CFAP210: variants seen among roughly 807,000 people sequenced by gnomAD.
CFAP210 encodes cilia- and flagella- associated protein 210.
the CFAP210 span, among the ~76,000 whole-genome samples, chr2:169,672,795 T>C: frequency 3.1e-3 from 477 of 152,254 alleles, 3 homozygotes; most frequent in African/African-American, 0.011. Context: ...GTCTGTCTCC[T>C]CTGGTGACAC....
chr2:169,646,587 C>G, the CFAP210 span, among the ~76,000 whole-genome samples: 2 of 152,188 alleles, frequency 1.3e-5, no homozygotes, highest in African/African-American at 4.8e-5. Context: ...CTGGGTCAGC[C>G]CAATATACTA....
the CFAP210 span, among the ~76,000 whole-genome samples, chr2:169,661,762 C>G: frequency 6.6e-6 from 1 of 152,216 alleles, no homozygotes; most frequent in African/African-American, 2.4e-5. Context: ...AGGATGCACT[C>G]CCTTAGAAAC....
the CFAP210 span, among the ~76,000 whole-genome samples, chr2:169,655,220 A>G: frequency 6.6e-6 from 1 of 151,924 alleles, no homozygotes; most frequent in Non-Finnish European, 1.5e-5. Flanking sequence ...AAAGCCTTGA[A>G]CTCTGGGGCT....
the CFAP210 span, among the ~76,000 whole-genome samples, chr2:169,649,732 G>A: frequency 6.6e-6 from 1 of 152,138 alleles, no homozygotes; most frequent in Non-Finnish European, 1.5e-5. Context: ...AGGAGTTCGA[G>A]ACCAGCCTGA....
the CFAP210 span, among the ~76,000 whole-genome samples, chr2:169,653,608 A>C: frequency 6.6e-6 from 1 of 152,004 alleles, no homozygotes; most frequent in African/African-American, 2.4e-5. Flanking sequence ...AATTGTACTT[A>C]ATCCCATTAC....
At chr2:169,681,466 C>A in the CFAP210 span, 5 of 517,822 alleles carry the variant, frequency 9.7e-6, no homozygotes, top group Non-Finnish European at 1.7e-5. Flanking sequence ...TAAACTTGGG[C>A]AAGTCATTTA....
the CFAP210 span, chr2:169,674,546 G>GGTTT: frequency 2.7e-6 from 4 of 1,486,970 alleles, no homozygotes; most frequent in Non-Finnish European, 3.6e-6. Flanking sequence ...AAACGAGAAA[G>GGTTT]GTACAAAAAG....
the CFAP210 span, among the ~76,000 whole-genome samples, chr2:169,665,105 G>T: frequency 6.6e-6 from 1 of 152,070 alleles, no homozygotes; most frequent in Non-Finnish European, 1.5e-5. Flanking sequence ...TGAGCAGGAG[G>T]GATTTAAATT....
At chr2:169,675,480 C>A in the CFAP210 span, among the ~76,000 whole-genome samples, 1 of 152,116 alleles carries the variant, frequency 6.6e-6, no homozygotes, top group Non-Finnish European at 1.5e-5. Context: ...ATGGCCAGAG[C>A]AGAAACAAGA....
the CFAP210 span, among the ~76,000 whole-genome samples, chr2:169,676,959 G>A: frequency 6.6e-6 from 1 of 152,136 alleles, no homozygotes; most frequent in African/African-American, 2.4e-5. Flanking sequence ...CTCCCCAGGC[G>A]AGATAATAAA....
chr2:169,670,258 T>C, the CFAP210 span, among the ~76,000 whole-genome samples: 1 of 152,136 alleles, frequency 6.6e-6, no homozygotes, highest in African/African-American at 2.4e-5. Context: ...TCAAAATCCC[T>C]CTATTTTGGG....
At chr2:169,664,284 C>T in the CFAP210 span, among the ~76,000 whole-genome samples, 1 of 152,136 alleles carries the variant, frequency 6.6e-6, no homozygotes, top group African/African-American at 2.4e-5. Context: ...TAAATTGCTA[C>T]TTTAAGGGAA....
the CFAP210 span, among the ~76,000 whole-genome samples, chr2:169,672,499 C>G: frequency 1.3e-5 from 2 of 152,236 alleles, no homozygotes; most frequent in African/African-American, 4.8e-5. Context: ...ACCAGGGAAG[C>G]TCACAGTGCA....
chr2:169,686,375 G>A, the CFAP210 span, among the ~76,000 whole-genome samples: 1 of 152,170 alleles, frequency 6.6e-6, no homozygotes, highest in South Asian at 2.1e-4. Context: ...TGTTGAATGT[G>A]TAGATCAATT....
chr2:169,649,371 C>T, the CFAP210 span: 2 of 1,591,552 alleles, frequency 1.3e-6, no homozygotes, highest in South Asian at 1.1e-5. Context: ...GCAAAGGAAA[C>T]ATATAAAACC....
the CFAP210 span, among the ~76,000 whole-genome samples, chr2:169,685,183 C>T: frequency 6.6e-6 from 1 of 152,136 alleles, no homozygotes; most frequent in Non-Finnish European, 1.5e-5. Context: ...GAGAAAGTAC[C>T]AAATTGTTTT....
the CFAP210 span, chr2:169,662,148 C>A: frequency 2.3e-6 from 2 of 861,746 alleles, no homozygotes; most frequent in South Asian, 1.7e-5. Context: ...CTTACTTGAT[C>A]ATTACATAAT....
the CFAP210 span, among the ~76,000 whole-genome samples, chr2:169,667,705 A>G: frequency 1.4e-4 from 21 of 152,136 alleles, no homozygotes; most frequent in African/African-American, 4.1e-4. Context: ...GACCAGGTGC[A>G]TTGTCAATGA....
chr2:169,664,124 G>A, the CFAP210 span, among the ~76,000 whole-genome samples: 1 of 151,980 alleles, frequency 6.6e-6, no homozygotes, highest in African/African-American at 2.4e-5. Flanking sequence ...CTTGAACCTG[G>A]GTGGCAGAGA....
Sources: allele counts gnomAD v4.1 joint callset (sites outside exome capture counted in the v4.1 genomes callset), GRCh38; gene constraint gnomAD v4.1.1; transcripts MANE v1.5; gene names NCBI Gene and HGNC (gene_info 2026-07-23, HGNC 2026-07-21).